NME4: variants seen among roughly 807,000 people sequenced by gnomAD.
NME4 encodes nucleoside diphosphate kinase D, mitochondrial.
In NME4, 21 loss-of-function variants were observed where a neutral mutation model predicts 16.4. That is an observed-to-expected ratio of 1.28 (90% CI 0.91 to 1.84). The LOEUF is 1.84. NME4 is among the 40% of genes most tolerant of loss of function. The pLI, the probability that NME4 is intolerant of heterozygous loss-of-function variation, is 0.00. For missense variants in NME4, 316 were observed against 261.3 expected (o/e 1.21, Z -1.44); for synonymous variants, 132 against 107.5 (o/e 1.23, Z -1.41).
At position 399,038 on chromosome 16, in the gene NME4, A is replaced by G; in HGVS notation, c.140A>G (p.Asp47Gly). The change falls in exon 2 of 5, where the codon GAT (aspartate) becomes GGT (glycine). Residue 47 changes from aspartate to glycine, a missense_variant. Coordinates refer to ENST00000219479, the MANE Select transcript of NME4 (RefSeq NM_005009.3). The part of the protein sequence containing the change: ...RERTLVAVKP[D>G]GVQRRLVGDV... Reference sequence around the variant, plus strand: ...CGGACCCTGGTGGCGGTGAAGCCCGATGGCGTGCAACGGCGGCTCGTTGGG... The same window carrying G: ...CGGACCCTGGTGGCGGTGAAGCCCGGTGGCGTGCAACGGCGGCTCGTTGGG... The G allele has an allele frequency of 6.2e-7, 1 of 1,609,058 alleles. No individual in the cohort carries two copies. Among genetic ancestry groups the G allele is most frequent in the Non-Finnish European group, 8.5e-7 (1 of 1,179,776 alleles).
chr16:400,368 T>TC lies in NME4; in HGVS notation c.*31dup, dbSNP rs2054637578. The TC allele has an allele frequency of 6.3e-7, 1 of 1,588,834 alleles. No homozygotes were observed. Among genetic ancestry groups the TC allele is most frequent in the East Asian group, 2.2e-5 (1 of 44,724 alleles). On this transcript the variant is annotated 3_prime_UTR_variant, in exon 5 of 5. Coordinates refer to ENST00000219479, the MANE Select transcript of NME4 (RefSeq NM_005009.3). ...GGCTCAAGCTGCCCTTACCACCCCA[T>TC]CCCCCACGCAGGACCAACTACCTCC...
In NME4 at chr16:399,056, T is replaced by C. The variant is rs1275073827; in HGVS notation, c.158T>C (p.Leu53Pro). 2 of 1,606,868 alleles carry C rather than the reference T, an allele frequency of 1.2e-6. No homozygotes were observed. The highest frequency in any genetic ancestry group is 1.3e-5 in the African/African-American group (1 of 75,010). Residue 53 changes from leucine (L) to proline (P), a missense_variant, in exon 2 of 5, where the codon CTC (leucine) becomes CCC (proline). Leu to Pro is a moderately conservative substitution (Grantham distance 98, BLOSUM62 -3). Coordinates refer to ENST00000219479, the MANE Select transcript of NME4 (RefSeq NM_005009.3). ...AVKPDGVQRR[L>P]VGDVIQRFER... ...AAGCCCGATGGCGTGCAACGGCGGC[T>C]CGTTGGGGACGTGATCCAGCGCTTT...
At position 400,393 on chromosome 16, in the gene NME4, CG is replaced by C; in HGVS notation, c.*52del. The C allele has an allele frequency of 6.4e-7, 1 of 1,569,326 alleles. No homozygotes were observed. Among genetic ancestry groups the C allele is most frequent in the South Asian group, 1.1e-5 (1 of 87,354 alleles). On this transcript the variant is annotated 3_prime_UTR_variant, in exon 5 of 5. Transcript: ENST00000219479. ...TCCCCCACGCAGGACCAACTACCTC[CG>C]TCAGCAAGAACCCAAGCCCACATCC...
At chr16:399,335 C>G (rs751013383) in intron 2 of NME4, 44 bp from the exon 3 acceptor site, 1 of 1,577,590 alleles carries the variant, frequency 6.3e-7, no homozygotes, top group Non-Finnish European at 8.7e-7. Context: ...TGCTAGTGCC[C>G]ACGTTTACTG....
Position 400,585 on chromosome 16 carries a change from G to GA in NME4, c.*243_*244insA, listed in dbSNP as rs2054641918. 10 of 486,242 alleles carry GA rather than the reference G, an allele frequency of 2.1e-5. No homozygotes were observed. Among genetic ancestry groups the GA allele is most frequent in the Non-Finnish European group, 3.3e-5 (9 of 276,328 alleles). 30.1% of individuals were successfully genotyped at this position (486,242 alleles called of 1,614,324 possible). On this transcript the variant is annotated 3_prime_UTR_variant, in exon 5 of 5. Coordinates refer to ENST00000219479, the MANE Select transcript of NME4 (RefSeq NM_005009.3). ...GCCGGACAACCTTTGTGGTGGGGGG[G>GA]GGTCTTCACATTATCATAACCTCTC...
At chr16:399,521 G>C in intron 3 of NME4, 41 bp downstream of exon 3, 1 of 1,601,462 alleles carries the variant, frequency 6.2e-7, no homozygotes, top group Non-Finnish European at 8.5e-7. Flanking sequence ...TGTGGGTAAA[G>C]GGCGTGTGGG....
At chr16:397,172 CG>C, upstream of NME4, 1 of 825,062 alleles carries the variant, frequency 1.2e-6, no homozygotes, top group East Asian at 1.2e-4. Context: ...GGGCTGGCAC[CG>C]CCCTCCGCGC....
chr16:397,570 G>T (rs1162867796), intron 1 of NME4, among the ~76,000 whole-genome samples: 1 of 102,868 alleles, frequency 9.7e-6, no homozygotes, highest in African/African-American at 4.0e-5. Flanking sequence ...CAGCCTGGGC[G>T]GGTCCGGGGC....
chr16:398,572 C>G (rs144661775), intron 1 of NME4: 219 of 449,014 alleles, frequency 4.9e-4, no homozygotes, highest in African/African-American at 4.2e-3. Flanking sequence ...GGCCACTGAG[C>G]TGGGCTGTGC....
intron 1 of NME4, 94 bp from the exon 2 acceptor site, chr16:398,896 A>G: frequency 1.3e-6 from 2 of 1,546,142 alleles, no homozygotes; most frequent in Non-Finnish European, 1.7e-6. Flanking sequence ...GACACCCTGA[A>G]GCCTGGTGAC....
chr16:397,761 G>T (rs2054576668), intron 1 of NME4: 11 of 1,444,408 alleles, frequency 7.6e-6, no homozygotes, highest in Non-Finnish European at 9.2e-6. Flanking sequence ...CTCCGCTGGG[G>T]CGTTCGCTGA....
chr16:398,570 A>C, intron 1 of NME4: 1 of 458,280 alleles, frequency 2.2e-6, no homozygotes, highest in Non-Finnish European at 3.6e-6. Flanking sequence ...GAGGCCACTG[A>C]GCTGGGCTGT....
At chr16:399,147 G>A in intron 2 of NME4, 24 bp downstream of exon 2, 1 of 1,598,274 alleles carries the variant, frequency 6.3e-7, no homozygotes, top group Non-Finnish European at 8.5e-7. Context: ...GGGCTTGTGG[G>A]TGTCCCTGTG....
chr16:400,124 C>T (rs767767925), intron 4 of NME4, 95 bp from the exon 5 acceptor site: 14 of 1,547,614 alleles, frequency 9.0e-6, no homozygotes, highest in Admixed American at 1.7e-5. Flanking sequence ...GGCTTGCTCC[C>T]CTAGACAGAG....
At chr16:397,886 T>A (rs762839781) in intron 1 of NME4, 1 of 1,554,324 alleles carries the variant, frequency 6.4e-7, no homozygotes, top group Non-Finnish European at 8.7e-7. Context: ...CAGGGCTCCC[T>A]CCATCGGCTC....
chr16:398,711 C>T, intron 1 of NME4: 1 of 527,030 alleles, frequency 1.9e-6, no homozygotes, highest in Non-Finnish European at 3.4e-6. Context: ...CCTCCCTGAA[C>T]CTCGGGGCGA....
At chr16:398,439 A>G in intron 1 of NME4, 2 of 1,188,194 alleles carry the variant, frequency 1.7e-6, no homozygotes, top group Non-Finnish European at 2.1e-6. Context: ...CCTCAGACAC[A>G]GGGTGGGCTC....
intron 1 of NME4, chr16:398,386 G>GT: frequency 1.6e-6 from 2 of 1,246,894 alleles, no homozygotes; most frequent in Non-Finnish European, 2.1e-6. Context: ...GGCTCACCTG[G>GT]TGGGGAAAGT....
intron 4 of NME4, 65 bp downstream of exon 4, chr16:399,804 G>A: frequency 7.5e-7 from 1 of 1,336,866 alleles, no homozygotes; most frequent in Non-Finnish European, 1.1e-6. Context: ...TGGGGTGGTG[G>A]CAGATCCACG....
Sources: gnomAD v4.1 joint callset for allele counts (sites outside exome capture counted in the v4.1 genomes callset) on GRCh38, gnomAD v4.1.1 for gene constraint, MANE v1.5 for transcripts, NCBI Gene and HGNC (gene_info 2026-07-23, HGNC 2026-07-21) for gene names.